REEP3: variants seen among roughly 807,000 people sequenced by gnomAD.
The protein encoded by REEP3 is receptor accessory protein 3, also known as receptor expression-enhancing protein 3.
REEP3 carries 20 observed loss-of-function variants against 41.3 expected under a neutral mutation model. The observed-to-expected ratio is 0.48, with a 90% CI of 0.34 to 0.70. REEP3 has a LOEUF of 0.70. Ranked by LOEUF, REEP3 falls within the 30% of genes least tolerant of loss-of-function variation. The pLI, the probability that REEP3 is intolerant of heterozygous loss-of-function variation, is 0.01. For missense variants in REEP3, 271 were observed against 308.8 expected (o/e 0.88, Z 0.92); for synonymous variants, 104 against 101.8 (o/e 1.02, Z -0.13).
chr10:63,546,986 A>G (rs1418665797), intron 1 of REEP3, among the ~76,000 whole-genome samples: 1 of 151,110 alleles, frequency 6.6e-6, no homozygotes, highest in African/African-American at 2.4e-5. Flanking sequence ...CAGTGGTGCA[A>G]TCTCAGCTCA....
chr10:63,602,802 C>T (rs1000568988), intron 5 of REEP3, among the ~76,000 whole-genome samples: 3 of 152,134 alleles, frequency 2.0e-5, no homozygotes, highest in African/African-American at 7.2e-5. Context: ...CACTTCGCCT[C>T]CATTGGTATT....
At chr10:63,567,438 T>G (rs1260615676) in intron 2 of REEP3, among the ~76,000 whole-genome samples, 1 of 152,218 alleles carries the variant, frequency 6.6e-6, no homozygotes. Flanking sequence ...ATATGTGACC[T>G]TTTGTGTCTG....
chr10:63,563,871 C>T (rs193189512), intron 1 of REEP3, among the ~76,000 whole-genome samples: 154 of 152,254 alleles, frequency 1.0e-3, no homozygotes, highest in African/African-American at 3.7e-3. Context: ...ACCCATATCT[C>T]ACTCTAATCA....
At chr10:63,602,071 T>C (rs988614926) in intron 5 of REEP3, among the ~76,000 whole-genome samples, 3 of 151,606 alleles carry the variant, frequency 2.0e-5, no homozygotes, top group African/African-American at 4.9e-5. Flanking sequence ...AAAAAATACA[T>C]TGGCGGCAAT....
chr10:63,597,907 CAA>C (rs772974416), intron 3 of REEP3, 115 bp from the exon 4 acceptor site: 817 of 644,292 alleles, frequency 1.3e-3, no homozygotes, highest in Middle Eastern at 1.6e-3. Context: ...AACTCCATCT[CAA>C]AAAAAAAAAA....
At chr10:63,541,636 A>G (rs1345826345) in intron 1 of REEP3, among the ~76,000 whole-genome samples, 4 of 147,478 alleles carry the variant, frequency 2.7e-5, no homozygotes, top group Non-Finnish European at 6.0e-5. Context: ...TATCCAGAGA[A>G]GTTTTTTTTT....
chr10:63,534,103 TA>T (rs981692509), intron 1 of REEP3, among the ~76,000 whole-genome samples: 1 of 151,952 alleles, frequency 6.6e-6, no homozygotes, highest in African/African-American at 2.4e-5. Context: ...AGAGATATTC[TA>T]AAAAAAACCT....
intron 1 of REEP3, among the ~76,000 whole-genome samples, chr10:63,539,710 T>G (rs915387008): frequency 6.6e-6 from 1 of 152,226 alleles, no homozygotes; most frequent in African/African-American, 2.4e-5. Context: ...ACGCTTTGGG[T>G]TCTTCATTTA....
chr10:63,566,269 GTTAAATTT>G (rs1257266989), intron 1 of REEP3, 61 bp from the exon 2 acceptor site: 2 of 825,188 alleles, frequency 2.4e-6, no homozygotes, highest in East Asian at 5.5e-5. Context: ...TGTTTATTAG[GTTAAATTT>G]TTATGAGCTG....
rs1343552333 is a variant in REEP3, at chr10:63,621,110, T to C, written c.*241T>C. 3 of 342,946 alleles carry C rather than the reference T, an allele frequency of 8.7e-6. No homozygotes were observed. The highest frequency in any genetic ancestry group is 1.1e-5 in the Non-Finnish European group (2 of 187,216). 21.2% of individuals were successfully genotyped at this position (342,946 alleles called of 1,614,324 possible). ...ATATTAGAAATTATAGAAAATCATG[T>C]TGTCCGTTTTCAAATTCATCAACAG... On this transcript the variant is annotated 3_prime_UTR_variant, in exon 8 of 8. Coordinates refer to ENST00000373758, the MANE Select transcript of REEP3 (RefSeq NM_001001330.3).
chr10:63,552,246 T>C (rs1156674506), intron 1 of REEP3, among the ~76,000 whole-genome samples: 1 of 122,666 alleles, frequency 8.2e-6, no homozygotes, highest in Admixed American at 7.5e-5. Flanking sequence ...TTACTAAAAA[T>C]ACAAAAAAAA....
At position 63,556,632 on chromosome 10, in the gene REEP3, TTG is replaced by T. The variant is rs1564477651; in HGVS notation, c.33-9704_33-9703del. Reference sequence around the variant, plus strand: ...TTTGCTTGTTTTTTTTTTTGTTGTTTTGTTTTTTTTTTTTTTTTTTTGAGACG... The same window carrying T: ...TTTGCTTGTTTTTTTTTTTGTTGTTTTTTTTTTTTTTTTTTTTTTGAGACG... On this transcript the variant is annotated intron_variant, in intron 1 of 7. Transcript: ENST00000373758. 7.6e-3 allele frequency among the ~76,000 whole-genome samples: 307 copies of T among 40,424 alleles called. 11 individuals carry two copies. Among genetic ancestry groups the T allele is most frequent in the South Asian group, 0.013 (13 of 1,018 alleles). 26.5% of individuals were successfully genotyped at this position (40,424 alleles called of 152,430 possible). A position where few individuals can be genotyped will look rare whatever the true frequency, so the allele number is the denominator to read the frequency against.
chr10:63,521,676 G>C (rs950749790), intron 1 of REEP3, 99 bp downstream of exon 1: 2 of 899,504 alleles, frequency 2.2e-6, no homozygotes. Context: ...GGGCCTGGGC[G>C]GGGACGGGGT....
intron 1 of REEP3, among the ~76,000 whole-genome samples, chr10:63,556,634 GTTTTTT>G (rs370073734): frequency 1.3e-5 from 1 of 78,564 alleles, no homozygotes; most frequent in African/African-American, 4.5e-5. Context: ...TTGTTGTTTT[GTTTTTT>G]TTTTTTTTTT....
intron 1 of REEP3, among the ~76,000 whole-genome samples, chr10:63,551,505 G>T (rs1316849391): frequency 6.6e-6 from 1 of 152,134 alleles, no homozygotes; most frequent in African/African-American, 2.4e-5. Flanking sequence ...AACGTGGTAT[G>T]TAAATCTGGG....
chr10:63,539,405 A>G (rs1395739976), intron 1 of REEP3, among the ~76,000 whole-genome samples: 2 of 152,234 alleles, frequency 1.3e-5, no homozygotes, highest in African/African-American at 4.8e-5. Context: ...GAGCAGTTTT[A>G]TAGCTTTACC....
chr10:63,606,083 A>AATCT, intron 5 of REEP3: 1 of 932,752 alleles, frequency 1.1e-6, no homozygotes, highest in Non-Finnish European at 1.3e-6. Flanking sequence ...TTCTCATCAT[A>AATCT]ATCTCTGTTA....
chr10:63,607,480 G>A (rs1333030271), intron 5 of REEP3, among the ~76,000 whole-genome samples: 1 of 152,132 alleles, frequency 6.6e-6, no homozygotes, highest in Non-Finnish European at 1.5e-5. Flanking sequence ...CAAACCCTTG[G>A]TAGGTGGTGT....
Position 63,622,807 on chromosome 10 carries a change from A to G in REEP3, c.*1938A>G. ...CTACAACCTCTGCCTCCCGGGTTCGAGCGATTCTCCTGCCTCGGCCTCCCG... is the reference window on the plus strand; with the variant it reads ...CTACAACCTCTGCCTCCCGGGTTCGGGCGATTCTCCTGCCTCGGCCTCCCG... On this transcript the variant is annotated 3_prime_UTR_variant, in exon 8 of 8. Transcript: ENST00000373758. The G allele has an allele frequency of 6.9e-6, 1 of 144,990 alleles. No homozygotes were observed. The highest frequency in any genetic ancestry group is 2.1e-4 in the East Asian group (1 of 4,756). 9.0% of individuals were successfully genotyped at this position (144,990 alleles called of 1,614,324 possible).
Sources: gnomAD v4.1 joint callset for allele counts (sites outside exome capture counted in the v4.1 genomes callset) on GRCh38, gnomAD v4.1.1 for gene constraint, MANE v1.5 for transcripts, NCBI Gene and HGNC (gene_info 2026-07-23, HGNC 2026-07-21) for gene names.